TUB: variants seen among roughly 807,000 people sequenced by gnomAD.
The protein encoded by TUB is TUB bipartite transcription factor.
In TUB, 33 loss-of-function variants were observed where a neutral mutation model predicts 59.7. That is an observed-to-expected ratio of 0.55 (90% CI 0.42 to 0.74). The LOEUF is 0.74. TUB is among the 30% of genes least tolerant of loss of function. The probability of loss-of-function intolerance (pLI) is 0.00; values close to 1 mark genes in which losing one functional copy is unlikely to be tolerated. For synonymous variants in TUB, 293 were observed against 256.4 expected, an observed-to-expected ratio of 1.14 and a Z score of -1.36; for missense variants, 659 against 672.0, an observed-to-expected ratio of 0.98 and a Z score of 0.21.
rs1168753817 is a variant in TUB at position 8,031,105 on chromosome 11, G to T, written c.56+11747G>T. ...ATCAGTAAGAGTGTATCTGGGTGGG[G>T]TGTGTGCACAGGGGTGTGCCTGCCA... On this transcript the variant is annotated intron_variant, in intron 1 of 11. Coordinates refer to the TUB transcript ENST00000534099. 5.3e-5 allele frequency among the ~76,000 whole-genome samples: 8 copies of T among 152,228 alleles called. No homozygotes were observed. In the South Asian group the frequency reaches 1.7e-3, roughly 31 times the overall value.
upstream of TUB, among the ~76,000 whole-genome samples, chr11:8,078,405 C>T (rs776347878): frequency 5.9e-5 from 9 of 152,116 alleles, no homozygotes; most frequent in Non-Finnish European, 1.0e-4. Flanking sequence ...ATTTGAAAAG[C>T]TTATGCCCTT....
chr11:8,095,517 A>G lies in TUB; in HGVS notation c.417A>G (p.Ala139=). 2 of 1,611,284 alleles carry G rather than the reference A, an allele frequency of 1.2e-6. No homozygotes were observed. Among genetic ancestry groups the G allele is most frequent in the Non-Finnish European group, 1.7e-6 (2 of 1,178,788 alleles). Residue 139 remains alanine, a synonymous_variant, in exon 5 of 12, where the codon GCA becomes GCG. Coordinates refer to ENST00000299506, the MANE Select transcript of TUB (RefSeq NM_177972.3). Reference sequence around the variant, plus strand: ...CTGCAGGCACCAGCGGGCCAGCAGCACTGGCAGAAGACAAGTCTGAGGCCC... The same window carrying G: ...CTGCAGGCACCAGCGGGCCAGCAGCGCTGGCAGAAGACAAGTCTGAGGCCC... ...GKHKGTSGPA[A]LAEDKSEAQG...
chr11:8,090,144 CCCCGGAGCCGGCGGG>C lies in TUB; in HGVS notation c.172_186del (p.Ser58_Arg62del). The C allele has an allele frequency of 6.2e-7, 1 of 1,613,588 alleles. No individual in the cohort carries two copies. Among genetic ancestry groups the C allele is most frequent in the East Asian group, 2.2e-5 (1 of 44,880 alleles). Reference sequence around the variant, plus strand: ...GGTGCAGGCCAATGCAGATGGGCGGCCCCGGAGCCGGCGGGCCCGGCAGTCAGAGGAACAAGCCCC... The same window carrying C: ...GGTGCAGGCCAATGCAGATGGGCGGCCCCGGCAGTCAGAGGAACAAGCCCC... On this transcript the variant is annotated inframe_deletion, in exon 3 of 12. Transcript: ENST00000299506.
At position 8,066,566 on chromosome 11, in the gene TUB, G is replaced by C. The variant is rs145989344; in HGVS notation, c.204-23044G>C. On this transcript the variant is annotated intron_variant, in intron 2 of 12. Coordinates refer to the TUB transcript ENST00000305253. ...ACAACCTGGAGAGAGAGAGGCTGAA[G>C]CTGCCTCAGACTTCCCTGGGCAGCC... Among the ~76,000 whole-genome samples, 123 of 152,290 alleles carry C rather than the reference G, an allele frequency of 8.1e-4. 1 individual carries two copies. The East Asian group carries it at 0.016, about 19-fold the overall frequency.
rs1325381996 is a variant in TUB, at chr11:8,105,861, G to GAACGC, written c.*4246_*4250dup. On this transcript the variant is annotated 3_prime_UTR_variant, in exon 12 of 12. Coordinates refer to ENST00000299506, the MANE Select transcript of TUB (RefSeq NM_177972.3). ...TGAGGCTGAGATCCAGAGTTTCCTA[G>GAACGC]AACGCAACTTAGGATGGCTAGGAAA... 6.6e-6 allele frequency: 1 copy of GAACGC among 152,144 alleles called. No individual in the cohort carries two copies. The highest frequency in any genetic ancestry group is 1.5e-5 in the Non-Finnish European group (1 of 68,022). 9.4% of individuals were successfully genotyped at this position (152,144 alleles called of 1,614,324 possible).
chr11:8,021,559 TTGCTGTTTTATTAA>T (rs1362610120), intron 1 of TUB, among the ~76,000 whole-genome samples: 2 of 152,094 alleles, frequency 1.3e-5, no homozygotes, highest in Non-Finnish European at 2.9e-5. Flanking sequence ...GTGGTATAAA[TTGCTGTTTTATTAA>T]TGCATATTGT....
intron 2 of TUB, among the ~76,000 whole-genome samples, chr11:8,042,641 C>A (rs1212955296): frequency 6.6e-6 from 1 of 152,120 alleles, no homozygotes; most frequent in Non-Finnish European, 1.5e-5. Flanking sequence ...GTATAGTCAT[C>A]CTAGTAAGTG....
intron 3 of TUB, among the ~76,000 whole-genome samples, chr11:8,090,663 G>A (rs568921226): frequency 9.9e-4 from 151 of 152,240 alleles, no homozygotes; most frequent in Middle Eastern, 3.4e-3. Context: ...TCTCTGCACC[G>A]TGTCTGCCTG....
chr11:8,042,574 T>C lies in TUB; in HGVS notation c.203+2882T>C, dbSNP rs114691704. 1.4e-3 allele frequency among the ~76,000 whole-genome samples: 211 copies of C among 152,340 alleles called. 1 individual carries two copies. Among genetic ancestry groups the C allele is most frequent in the African/African-American group, 4.8e-3 (200 of 41,582 alleles). ...ATTTTACATCCCCACCAGTAGTATA[T>C]GAGGGTCTCAGTTTTTTCATATTCT... On this transcript the variant is annotated intron_variant, in intron 2 of 12. Coordinates refer to the TUB transcript ENST00000305253.
chr11:8,094,030 G>A lies in TUB; in HGVS notation c.254-16G>A, dbSNP rs777707979. Reference sequence around the variant, plus strand: ...GCCTGTTTCTCTCTCTCCATCTGGGGATGTTTCCTGAGCAGTTCAAGAGGC... The same window carrying A: ...GCCTGTTTCTCTCTCTCCATCTGGGAATGTTTCCTGAGCAGTTCAAGAGGC... On this transcript the variant is annotated splice_polypyrimidine_tract_variant and intron_variant, in intron 3 of 11. Coordinates refer to ENST00000299506, the MANE Select transcript of TUB (RefSeq NM_177972.3). 1.9e-6 allele frequency: 3 copies of A among 1,614,110 alleles called. No homozygotes were observed. The highest frequency in any genetic ancestry group is 1.7e-6 in the Non-Finnish European group (2 of 1,180,024).
rs771037090 is a variant in TUB at position 8,095,487 on chromosome 11, G to A, written c.398-11G>A. 3.8e-5 allele frequency: 61 copies of A among 1,602,414 alleles called. No homozygotes were observed. Among genetic ancestry groups the A allele is most frequent in the African/African-American group, 5.4e-5 (4 of 74,746 alleles). On this transcript the variant is annotated splice_polypyrimidine_tract_variant and intron_variant, in intron 4 of 11. Transcript: ENST00000299506. ...TCCTGGATGTAACTCAGGCGTGTCC[G>A]TGGCCTGCAGGCACCAGCGGGCCAG... is the stretch of plus-strand genomic sequence containing the variant.
chr11:8,087,836 C>T (rs1943696798), intron 1 of TUB, among the ~76,000 whole-genome samples: 1 of 152,200 alleles, frequency 6.6e-6, no homozygotes, highest in Non-Finnish European at 1.5e-5. Context: ...TGGTCCTGAA[C>T]CCTTTCTTCA....
intron 2 of TUB, among the ~76,000 whole-genome samples, chr11:8,050,283 C>A (rs1942912545): frequency 6.6e-6 from 1 of 152,196 alleles, no homozygotes; most frequent in Non-Finnish European, 1.5e-5. Flanking sequence ...ACGAATAGTG[C>A]TGCTATAAGC....
At chr11:8,078,458 T>C (rs1366008912), upstream of TUB, among the ~76,000 whole-genome samples, 1 of 151,984 alleles carries the variant, frequency 6.6e-6, no homozygotes, top group African/African-American at 2.4e-5. Context: ...AAATATAACT[T>C]TTGATCATGG....
chr11:8,057,194 A>T (rs1261677738), intron 2 of TUB, among the ~76,000 whole-genome samples: 1 of 152,068 alleles, frequency 6.6e-6, no homozygotes, highest in Non-Finnish European at 1.5e-5. Flanking sequence ...ATGAGAATCG[A>T]TTGCGCAATA....
chr11:8,095,342 G>C (rs1186597664), intron 4 of TUB, among the ~76,000 whole-genome samples, 156 bp from the exon 5 acceptor site: 5 of 152,206 alleles, frequency 3.3e-5, no homozygotes, highest in Admixed American at 6.5e-5. Flanking sequence ...TTGTTAACAG[G>C]CTGGTGCAAT....
chr11:8,050,189 A>G (rs1018044949), intron 2 of TUB, among the ~76,000 whole-genome samples: 21 of 152,366 alleles, frequency 1.4e-4, no homozygotes, highest in African/African-American at 4.1e-4. Context: ...ATTGCTGTAT[A>G]GTATTCAATT....
chr11:8,093,376 T>C (rs1943845146), intron 3 of TUB, among the ~76,000 whole-genome samples: 1 of 151,808 alleles, frequency 6.6e-6, no homozygotes, highest in South Asian at 2.1e-4. Flanking sequence ...GGGGAGTATG[T>C]GTTTATTTTA....
At chr11:8,048,932 A>G (rs959232867) in intron 2 of TUB, among the ~76,000 whole-genome samples, 1 of 152,214 alleles carries the variant, frequency 6.6e-6, no homozygotes, top group African/African-American at 2.4e-5. Context: ...ATAAATTATC[A>G]TATTTAATAT....
Sources: gnomAD v4.1 joint callset for allele counts (sites outside exome capture counted in the v4.1 genomes callset) on GRCh38, gnomAD v4.1.1 for gene constraint, MANE v1.5 for transcripts, NCBI Gene and HGNC (gene_info 2026-07-23, HGNC 2026-07-21) for gene names.